PKHD1: variants seen among roughly 807,000 people sequenced by gnomAD.
PKHD1 encodes the protein fibrocystin.
PKHD1 carries 291 observed loss-of-function variants against 412.0 expected under a neutral mutation model. That is an observed-to-expected ratio of 0.71 (90% CI 0.64 to 0.78). The LOEUF (loss-of-function observed/expected upper bound fraction) is 0.78. PKHD1 is among the 30% of genes least tolerant of loss of function. PKHD1 has a pLI of 0.00. For synonymous variants in PKHD1, 1,777 were observed against 1,821.5 expected, an observed-to-expected ratio of 0.98 and a Z score of 0.62; for missense variants, 4,825 against 4,950.7, an observed-to-expected ratio of 0.97 and a Z score of 0.76.
Position 51,638,877 on chromosome 6 carries a change from G to C in PKHD1, c.11478C>G (p.His3826Gln), listed in dbSNP as rs775097870. 1.1e-5 allele frequency: 18 copies of C among 1,608,214 alleles called. No homozygotes were observed. Among genetic ancestry groups the C allele is most frequent in the Non-Finnish European group, 1.4e-5 (17 of 1,176,746 alleles). The change falls in exon 64 of 67, where the codon CAC becomes CAG. Residue 3826 changes from histidine (H) to glutamine (Q), a missense_variant. By Grantham distance (24) the His-to-Gln change is conservative (BLOSUM62 0). Transcript: ENST00000371117. ...GAGGAGAAGTGACAGTAAAAATAAAGTGCCAGTTTGACCCAGAGATCAAGA... is the reference window on the plus strand; with the variant it reads ...GAGGAGAAGTGACAGTAAAAATAAACTGCCAGTTTGACCCAGAGATCAAGA... ...LAVLISGSNW[H>Q]FIFTVTSPPG...
At chr6:51,898,121 C>T (rs897328714) in intron 43 of PKHD1, among the ~76,000 whole-genome samples, 1 of 151,884 alleles carries the variant, frequency 6.6e-6, no homozygotes, top group Non-Finnish European at 1.5e-5. Context: ...AGAAAGTCAA[C>T]AAGGATACCC....
chr6:51,968,031 C>CT (rs1793096485), intron 35 of PKHD1, among the ~76,000 whole-genome samples: 1 of 152,040 alleles, frequency 6.6e-6, no homozygotes, highest in Non-Finnish European at 1.5e-5. Flanking sequence ...TCCTCCTTTG[C>CT]TTTTTTCCTG....
At chr6:51,740,072 T>A in intron 60 of PKHD1, 1 of 515,708 alleles carries the variant, frequency 1.9e-6, no homozygotes, top group East Asian at 5.5e-5. Context: ...TCAAAAGAAA[T>A]CCTTTCGAGA....
Position 51,697,876 on chromosome 6 carries a change from T to A in PKHD1, c.10157-37907A>T, listed in dbSNP as rs190994614. ...GGCTTGTCTCCTACCTGGCATTTAC[T>A]TTTTTTAAATCCTCATTAAGAAGTT... On this transcript the variant is annotated intron_variant, in intron 60 of 66. Coordinates refer to ENST00000371117, the MANE Select transcript of PKHD1 (RefSeq NM_138694.4). 2.8e-3 allele frequency among the ~76,000 whole-genome samples: 429 copies of A among 152,336 alleles called. 3 individuals carry two copies. The highest frequency in any genetic ancestry group is 5.5e-3 in the Admixed American group (84 of 15,290).
At chr6:51,642,589 C>G (rs188022113) in intron 63 of PKHD1, among the ~76,000 whole-genome samples, 1 of 152,178 alleles carries the variant, frequency 6.6e-6, no homozygotes, top group South Asian at 2.1e-4. Context: ...CCTGTAATCC[C>G]GACACTTTGG....
chr6:52,071,008 A>C lies in PKHD1; in HGVS notation c.665T>G (p.Ile222Ser). 2 of 1,583,410 alleles carry C rather than the reference A, an allele frequency of 1.3e-6. No homozygotes were observed. The highest frequency in any genetic ancestry group is 1.7e-6 in the Non-Finnish European group (2 of 1,152,108). ...TLQCHVEGDYIGSQNVSFSVF... is the reference protein window; with the variant it reads ...TLQCHVEGDYSGSQNVSFSVF... The stretch of plus-strand genomic sequence containing the variant: ...ATTATGTTACTTCTCTAACAGACCG[A>C]TGTAGTCGCCTTCCACATGGCACTG... The change falls in exon 9 of 67, where the codon ATC becomes AGC. Residue 222 changes from isoleucine (I) to serine (S), a missense_variant and splice_region_variant. By Grantham distance (142) the Ile-to-Ser change is moderately radical (BLOSUM62 -2). Transcript: ENST00000371117.
chr6:51,701,697 T>C (rs1779416191), intron 60 of PKHD1, among the ~76,000 whole-genome samples: 1 of 152,032 alleles, frequency 6.6e-6, no homozygotes, highest in Admixed American at 6.6e-5. Context: ...ACAGAATTCA[T>C]GATTTCAATG....
intron 60 of PKHD1, among the ~76,000 whole-genome samples, chr6:51,708,484 T>A (rs964352477): frequency 6.6e-6 from 1 of 152,204 alleles, no homozygotes; most frequent in Non-Finnish European, 1.5e-5. Context: ...TTAAAATCCT[T>A]TATGAATGTG....
chr6:51,627,286 C>T (rs1377534207), intron 65 of PKHD1, among the ~76,000 whole-genome samples, 170 bp from the exon 66 acceptor site: 1 of 152,052 alleles, frequency 6.6e-6, no homozygotes, highest in East Asian at 1.9e-4. Flanking sequence ...ATCCTATATA[C>T]TGACCACCAA....
rs2128209194 is a variant in PKHD1, at chr6:52,056,682, AAGCCACGG to A, written c.1693+8_1693+15del. On this transcript the variant is annotated splice_region_variant and intron_variant, in intron 18 of 66. Transcript: ENST00000371117. ...CATGATGAAAAAGACAATCAGAATG[AAGCCACGG>A]ACAGCACCTCGTTCAAATCCAAGCC... The A allele has an allele frequency of 1.9e-6, 3 of 1,569,782 alleles. No homozygotes were observed. Among genetic ancestry groups the A allele is most frequent in the Non-Finnish European group, 2.6e-6 (3 of 1,139,532 alleles).
At chr6:52,063,175 A>C (rs926472941) in intron 13 of PKHD1, among the ~76,000 whole-genome samples, 1 of 152,236 alleles carries the variant, frequency 6.6e-6, no homozygotes, top group African/African-American at 2.4e-5. Context: ...AATATGTGGC[A>C]TGCTGCTATT....
At chr6:51,784,390 A>G (rs1422372016) in intron 53 of PKHD1, among the ~76,000 whole-genome samples, 2 of 152,184 alleles carry the variant, frequency 1.3e-5, no homozygotes, top group Non-Finnish European at 2.9e-5. Flanking sequence ...AAACAAATCA[A>G]TTATCTCTCT....
intron 36 of PKHD1, among the ~76,000 whole-genome samples, chr6:51,958,474 C>G (rs1791497419): frequency 6.6e-6 from 1 of 152,046 alleles, no homozygotes; most frequent in Admixed American, 6.6e-5. Context: ...ACTTTTCTCT[C>G]CTTCTGATGC....
chr6:51,696,411 A>G (rs1222531566), intron 60 of PKHD1, among the ~76,000 whole-genome samples: 1 of 152,158 alleles, frequency 6.6e-6, no homozygotes, highest in East Asian at 1.9e-4. Flanking sequence ...GAGAGCCATC[A>G]TGAATATCAC....
chr6:52,009,528 C>A (rs1359107938), intron 35 of PKHD1, among the ~76,000 whole-genome samples: 1 of 152,108 alleles, frequency 6.6e-6, no homozygotes, highest in African/African-American at 2.4e-5. Context: ...AATCTGAGAA[C>A]TGCTTTCATA....
intron 37 of PKHD1, among the ~76,000 whole-genome samples, chr6:51,930,454 A>G (rs1008371215): frequency 6.6e-6 from 1 of 152,190 alleles, no homozygotes; most frequent in African/African-American, 2.4e-5. Context: ...AAAGAAATAC[A>G]TGTAACGTGC....
At chr6:51,974,612 C>T (rs1038885182) in intron 35 of PKHD1, among the ~76,000 whole-genome samples, 4 of 152,132 alleles carry the variant, frequency 2.6e-5, no homozygotes, top group African/African-American at 9.7e-5. Flanking sequence ...GAATGAAAAA[C>T]CAAACATTGT....
rs547789213 is a variant in PKHD1 at position 51,941,506 on chromosome 6, C to T, written c.5909-7184G>A. Among the ~76,000 whole-genome samples the T allele has an allele frequency of 9.0e-3, 1,354 of 151,004 alleles. 29 individuals carry two copies. The highest frequency in any genetic ancestry group is 0.031 in the African/African-American group (1,298 of 41,340). ...TCCTGACCTCATGATCCACCCGCCTCGGCCTCCCAAAGTGCTGGGATTACA... is the reference window on the plus strand; with the variant it reads ...TCCTGACCTCATGATCCACCCGCCTTGGCCTCCCAAAGTGCTGGGATTACA... On this transcript the variant is annotated intron_variant, in intron 36 of 66. Coordinates refer to ENST00000371117, the MANE Select transcript of PKHD1 (RefSeq NM_138694.4).
intron 19 of PKHD1, 124 bp downstream of exon 19, chr6:52,055,463 C>T: frequency 9.2e-7 from 1 of 1,087,312 alleles, no homozygotes; most frequent in Admixed American, 1.9e-5. Context: ...AGAACCTCAG[C>T]CTGAAACACC....
Sources: gnomAD v4.1 joint callset for allele counts (sites outside exome capture counted in the v4.1 genomes callset) on GRCh38, gnomAD v4.1.1 for gene constraint, MANE v1.5 for transcripts, NCBI Gene and HGNC (gene_info 2026-07-23, HGNC 2026-07-21) for gene names.